The following SOX5 variants were observed in gnomAD, a reference collection of about 807,000 sequenced individuals.
SOX5 encodes the protein SRY-box transcription factor 5, also known as transcription factor SOX-5.
A neutral mutation model predicts 92.0 loss-of-function variants in SOX5; 9 were observed. The ratio of observed to expected loss-of-function variants is 0.10; its 90% CI spans 0.06 to 0.17. SOX5 has a LOEUF of 0.17. Ranked by LOEUF, SOX5 falls within the 10% of genes least tolerant of loss-of-function variation. The probability of loss-of-function intolerance (pLI) is 1.00; values close to 1 mark genes in which losing one functional copy is unlikely to be tolerated. For synonymous variants in SOX5, 344 were observed against 336.3 expected, an observed-to-expected ratio of 1.02 and a Z score of -0.25; for missense variants, 642 against 944.5, an observed-to-expected ratio of 0.68 and a Z score of 4.20.
chr12:24,036,921 C>G (rs1569514110), intron 4 of SOX5, among the ~76,000 whole-genome samples: 1 of 152,132 alleles, frequency 6.6e-6, no homozygotes, highest in African/African-American at 2.4e-5. Flanking sequence ...CACACACATT[C>G]CATTCTTATC....
At chr12:24,110,639 A>C (rs2648021) in intron 4 of SOX5, among the ~76,000 whole-genome samples, 4 of 152,142 alleles carry the variant, frequency 2.6e-5, no homozygotes, top group African/African-American at 9.7e-5. Flanking sequence ...TAATCCCAGC[A>C]CTTTGGGAGG....
intron 8 of SOX5, among the ~76,000 whole-genome samples, chr12:23,624,083 A>T (rs1047924401): frequency 8.5e-5 from 13 of 152,128 alleles, no homozygotes; most frequent in African/African-American, 3.1e-4. Context: ...ATAAAATCAG[A>T]TATGGAAGGC....
chr12:24,282,017 A>C (rs1945269260), intron 2 of SOX5, among the ~76,000 whole-genome samples: 1 of 152,214 alleles, frequency 6.6e-6, no homozygotes, highest in Non-Finnish European at 1.5e-5. Flanking sequence ...GAGATTTGTA[A>C]GAATATTCAA....
chr12:23,910,014 G>C (rs2097334833), intron 1 of SOX5, among the ~76,000 whole-genome samples: 1 of 151,752 alleles, frequency 6.6e-6, no homozygotes, highest in Non-Finnish European at 1.5e-5. Flanking sequence ...TCAAAATACT[G>C]GTTTCCTCTC....
chr12:24,399,893 T>A (rs1292664778), intron 1 of SOX5, among the ~76,000 whole-genome samples: 1 of 152,224 alleles, frequency 6.6e-6, no homozygotes, highest in Non-Finnish European at 1.5e-5. Flanking sequence ...ATTTCTCCAT[T>A]CAACATAATA....
intron 4 of SOX5, among the ~76,000 whole-genome samples, chr12:24,147,294 T>C (rs1951186499): frequency 6.6e-6 from 1 of 152,168 alleles, no homozygotes; most frequent in Non-Finnish European, 1.5e-5. Flanking sequence ...AATTTGAAAA[T>C]TGGCTCATGT....
At chr12:23,717,694 G>A (rs556224281) in intron 6 of SOX5, among the ~76,000 whole-genome samples, 1 of 152,336 alleles carries the variant, frequency 6.6e-6, no homozygotes. Context: ...CTGATATTTA[G>A]TACGGCTTAA....
chr12:24,502,911 C>T (rs1948362984), intron 1 of SOX5, among the ~76,000 whole-genome samples: 1 of 152,140 alleles, frequency 6.6e-6, no homozygotes, highest in South Asian at 2.1e-4. Flanking sequence ...AACCCAAACC[C>T]AGAGGCATTT....
chr12:24,185,141 G>C (rs11047301), intron 4 of SOX5, among the ~76,000 whole-genome samples: 61,751 of 151,858 alleles, frequency 0.41, 13,064 homozygotes, highest in Non-Finnish European at 0.47. Context: ...ATAGATATGG[G>C]TCTATCTATA....
At chr12:23,758,774 C>A (rs2094478661) in intron 3 of SOX5, among the ~76,000 whole-genome samples, 1 of 151,824 alleles carries the variant, frequency 6.6e-6, no homozygotes, top group Non-Finnish European at 1.5e-5. Context: ...AAGGGCTCCA[C>A]CCACATGAAT....
chr12:24,243,306 A>G (rs1321685638), intron 3 of SOX5, among the ~76,000 whole-genome samples: 1 of 152,170 alleles, frequency 6.6e-6, no homozygotes, highest in Non-Finnish European at 1.5e-5. Context: ...TATAATCTGT[A>G]AAGTTGCATT....
At chr12:23,800,780 A>G (rs2095646420) in intron 3 of SOX5, among the ~76,000 whole-genome samples, 1 of 152,190 alleles carries the variant, frequency 6.6e-6, no homozygotes, top group Non-Finnish European at 1.5e-5. Context: ...CATGAAATAA[A>G]CCATTATTCT....
chr12:23,701,515 A>C (rs1236701783), intron 6 of SOX5, among the ~76,000 whole-genome samples: 1 of 152,098 alleles, frequency 6.6e-6, no homozygotes, highest in Admixed American at 6.6e-5. Context: ...AATCTTTATA[A>C]ACATATCATT....
Position 24,440,018 on chromosome 12 carries a change from T to A in SOX5, c.-250-71379A>T, listed in dbSNP as rs77615515. On this transcript the variant is annotated intron_variant, in intron 1 of 4. Transcript: ENST00000446891. ...TAAATGCTTATTAAATAAGCAAACA[T>A]CTTGGTTGGTGGCAATTTAAAATTC... Among the ~76,000 whole-genome samples, 654 of 152,276 alleles carry A rather than the reference T, an allele frequency of 4.3e-3. 14 individuals carry two copies. The highest frequency in any genetic ancestry group is 0.035 in the East Asian group (182 of 5,190).
chr12:24,458,350 T>C (rs11609842), intron 1 of SOX5, among the ~76,000 whole-genome samples: 29,899 of 152,088 alleles, frequency 0.2, 3,072 homozygotes, highest in Middle Eastern at 0.26. Flanking sequence ...ATTGCAAAAA[T>C]TAAAACCCTG....
chr12:24,301,961 A>G (rs1340666578), intron 2 of SOX5, among the ~76,000 whole-genome samples: 1 of 152,116 alleles, frequency 6.6e-6, no homozygotes, highest in African/African-American at 2.4e-5. Flanking sequence ...GTATATATAT[A>G]TATAATTATT....
intron 8 of SOX5, among the ~76,000 whole-genome samples, chr12:23,617,654 C>T (rs886160902): frequency 2.6e-5 from 4 of 152,038 alleles, no homozygotes; most frequent in Non-Finnish European, 5.9e-5. Context: ...AGACCTTTTT[C>T]ACAGGTATGA....
chr12:23,730,497 T>C (rs1481042595), intron 6 of SOX5, among the ~76,000 whole-genome samples: 1 of 152,192 alleles, frequency 6.6e-6, no homozygotes, highest in Non-Finnish European at 1.5e-5. Context: ...TAGAGTAAAC[T>C]GATTTATGAT....
At chr12:24,125,539 T>G (rs1275676677) in intron 4 of SOX5, among the ~76,000 whole-genome samples, 1 of 152,202 alleles carries the variant, frequency 6.6e-6, no homozygotes, top group Non-Finnish European at 1.5e-5. Context: ...TTGCCCCTTC[T>G]GTTTTCCCAA....
Sources: allele counts gnomAD v4.1 joint callset (sites outside exome capture counted in the v4.1 genomes callset), GRCh38; gene constraint gnomAD v4.1.1; transcripts MANE v1.5; gene names NCBI Gene and HGNC (gene_info 2026-07-23, HGNC 2026-07-21).